The following STK11IP variants were observed in gnomAD, a reference collection of about 807,000 sequenced individuals.
The protein encoded by STK11IP is serine/threonine kinase 11 interacting protein.
A neutral mutation model predicts 131.7 loss-of-function variants in STK11IP; 103 were observed. The observed-to-expected ratio is 0.78, with a 90% CI of 0.67 to 0.92. The LOEUF (loss-of-function observed/expected upper bound fraction) is 0.92. STK11IP is among the 40% of genes least tolerant of loss of function. The pLI is 0.00. For missense variants in STK11IP, 1,315 were observed against 1,385.7 expected, an observed-to-expected ratio of 0.95 and a Z score of 0.81; for synonymous variants, 557 against 575.6, an observed-to-expected ratio of 0.97 and a Z score of 0.46.
chr2:219,611,725 C>A lies in STK11IP; in HGVS notation c.2226C>A (p.Ala742=), dbSNP rs1333479230. Residue 742 remains alanine, a synonymous_variant, in exon 18 of 25, where the codon GCC becomes GCA. Transcript: ENST00000456909. ...AGTCTCTGGCTCCTTCTCCGTCTGC[C>A]AGCCCTGTCTGCCACCCTCCTGGCC... ...GEQSLAPSPS[A]SPVCHPPGHG... 1.9e-6 allele frequency: 3 copies of A among 1,612,958 alleles called. No homozygotes were observed. Among genetic ancestry groups the A allele is most frequent in the Non-Finnish European group, 2.5e-6 (3 of 1,179,878 alleles).
rs750864443 is a variant in STK11IP, at chr2:219,615,118, T to TC, written c.2894_2895insC (p.Leu966ValfsTer12). ...GGCCCTTCCACCTGCCTCGTATCCC[T>TC]GTTGCTGACTCCGTCCACCCTGTTC... On this transcript the variant is annotated frameshift_variant, in exon 24 of 25. Transcript: ENST00000456909. LOFTEE classifies it high-confidence loss of function. 20 of 1,609,644 alleles carry TC rather than the reference T, an allele frequency of 1.2e-5. No individual in the cohort carries two copies. The highest frequency in any genetic ancestry group is 1.7e-5 in the Non-Finnish European group (20 of 1,179,194).
At chr2:219,610,504 G>A (rs572066112) in intron 17 of STK11IP, among the ~76,000 whole-genome samples, 17 of 152,078 alleles carry the variant, frequency 1.1e-4, no homozygotes, top group Non-Finnish European at 2.1e-4. Flanking sequence ...CCGGGTTCAC[G>A]CCATTCTCCT....
chr2:219,601,728 G>A lies in STK11IP; in HGVS notation c.342+13G>A, dbSNP rs369815859. On this transcript the variant is annotated intron_variant, in intron 4 of 24. Coordinates refer to ENST00000456909, the MANE Select transcript of STK11IP (RefSeq NM_052902.4). ...TCGGCACCTGGAGGTATGGGGACACGGGGGGATGTTGGTGCACAGCACCCA... is the reference window on the plus strand; with the variant it reads ...TCGGCACCTGGAGGTATGGGGACACAGGGGGATGTTGGTGCACAGCACCCA... The A allele has an allele frequency of 1.2e-4, 184 of 1,589,786 alleles. 2 individuals are homozygous for A. The highest frequency in any genetic ancestry group is 3.8e-4 in the South Asian group (33 of 87,544).
intron 7 of STK11IP, among the ~76,000 whole-genome samples, chr2:219,604,686 GTGGAA>G (rs1271073643): frequency 6.6e-6 from 1 of 152,198 alleles, no homozygotes; most frequent in East Asian, 1.9e-4. Flanking sequence ...TCTTTAGATG[GTGGAA>G]TGAGGATAGC....
intron 19 of STK11IP, 80 bp from the exon 20 acceptor site, chr2:219,613,048 C>A: frequency 1.7e-6 from 2 of 1,158,364 alleles, no homozygotes; most frequent in Admixed American, 2.0e-5. Flanking sequence ...AGGGTGCTGT[C>A]ACCAGGAACT....
Position 219,613,856 on chromosome 2 carries a change from C to T in STK11IP, c.2642C>T (p.Ala881Val). 1.2e-6 allele frequency: 2 copies of T among 1,612,062 alleles called. No individual in the cohort carries two copies. The highest frequency in any genetic ancestry group is 1.7e-6 in the Non-Finnish European group (2 of 1,179,576). Reference sequence around the variant, plus strand: ...GGCCAGAGCCTGCGGCTAGAGTGGGCAGCTGGGGCGGGCCGCTGTGTGCTG... The same window carrying T: ...GGCCAGAGCCTGCGGCTAGAGTGGGTAGCTGGGGCGGGCCGCTGTGTGCTG... ...LAGQSLRLEW[A>V]AGAGRCVLLP... Residue 881 changes from alanine (A) to valine (V), a missense_variant, in exon 21 of 25, where the codon GCA becomes GTA. Transcript: ENST00000456909.
intron 5 of STK11IP, 121 bp downstream of exon 5, chr2:219,602,204 C>T (rs377219591): frequency 3.7e-4 from 272 of 743,830 alleles, no homozygotes; most frequent in Non-Finnish European, 4.9e-4. Flanking sequence ...ACAGTGTCCT[C>T]ACTCCCTCTC....
intron 13 of STK11IP, among the ~76,000 whole-genome samples, 198 bp downstream of exon 13, chr2:219,607,335 C>T (rs905971792): frequency 1.3e-5 from 2 of 152,028 alleles, no homozygotes; most frequent in Non-Finnish European, 2.9e-5. Context: ...GAAAACTTTT[C>T]GAGGAACATT....
Position 219,612,077 on chromosome 2 carries a change from T to A in STK11IP, c.2439+19T>A, listed in dbSNP as rs1436780409. ...CCTCAAGGTCTGTGCTCCCTGACACTGCCCATGCCCCCAGCTGTCCAGGGT... is the reference window on the plus strand; with the variant it reads ...CCTCAAGGTCTGTGCTCCCTGACACAGCCCATGCCCCCAGCTGTCCAGGGT... On this transcript the variant is annotated intron_variant, in intron 19 of 24. Coordinates refer to ENST00000456909, the MANE Select transcript of STK11IP (RefSeq NM_052902.4). 1 of 1,579,416 alleles carries A rather than the reference T, an allele frequency of 6.3e-7. No individual in the cohort carries two copies. Among genetic ancestry groups the A allele is most frequent in the Non-Finnish European group, 8.6e-7 (1 of 1,161,556 alleles).
chr2:219,599,884 T>C (rs573315758), intron 2 of STK11IP, among the ~76,000 whole-genome samples: 105 of 151,434 alleles, frequency 6.9e-4, no homozygotes, highest in African/African-American at 2.4e-3. Flanking sequence ...ACTACAGGCA[T>C]GCACCACCAT....
chr2:219,613,287 G>T lies in STK11IP; in HGVS notation c.2537+62G>T, dbSNP rs1228107350. On this transcript the variant is annotated intron_variant, in intron 20 of 24. Transcript: ENST00000456909. ...GATGGGGTGAGTTGGGGGGAGATGG[G>T]GGAGTGAGGGGGAAGATGGGGTGAG... 9 of 135,662 alleles carry T rather than the reference G, an allele frequency of 6.6e-5. No individual in the cohort carries two copies. In the East Asian group the frequency reaches 1.9e-3, roughly 28 times the overall value. The allele number at this position is 135,662 out of a possible 1,614,324, so 8.4% of individuals were successfully genotyped here. A position where few individuals can be genotyped will look rare whatever the true frequency, so the allele number is the denominator to read the frequency against.
Position 219,611,676 on chromosome 2 carries a change from A to G in STK11IP, c.2177A>G (p.Asn726Ser), listed in dbSNP as rs367627243. Residue 726 changes from asparagine (N) to serine (S), a missense_variant, in exon 18 of 25, where the codon AAC (asparagine) becomes AGC (serine). Coordinates refer to ENST00000456909, the MANE Select transcript of STK11IP (RefSeq NM_052902.4). ...VLLAVSRGTPNRERKQGEQSL... is the reference protein window; with the variant it reads ...VLLAVSRGTPSRERKQGEQSL... ...CTCGCTGTGTCTCGGGGAACCCCCA[A>G]CAGGGAGCGGAAACAGGGAGAGCAG... 2 of 1,612,984 alleles carry G rather than the reference A, an allele frequency of 1.2e-6. No homozygotes were observed. Among genetic ancestry groups the G allele is most frequent in the Non-Finnish European group, 1.7e-6 (2 of 1,179,884 alleles).
At chr2:219,608,546 C>T in intron 14 of STK11IP, 37 bp from the exon 15 acceptor site, 1 of 1,550,740 alleles carries the variant, frequency 6.4e-7, no homozygotes, top group Non-Finnish European at 8.7e-7. Context: ...TGGGTACTTT[C>T]CCTCCCTGCA....
At chr2:219,609,787 T>G in intron 17 of STK11IP, 1 of 468,674 alleles carries the variant, frequency 2.1e-6, no homozygotes, top group South Asian at 2.2e-5. Flanking sequence ...AAATGCAATC[T>G]CTGTAACTGT....
rs749829000 is a variant in STK11IP, at chr2:219,608,381, G to C, written c.1554G>C (p.Glu518Asp). 83 of 1,579,356 alleles carry C rather than the reference G, an allele frequency of 5.3e-5. No homozygotes were observed. In the Admixed American group the frequency reaches 1.4e-3, roughly 27 times the overall value. ...GGGAGATGGTGGAACAGGGAGAAGA[G>C]GAGGCAGGAGAGGAGGAAGAAGAGG... ...EEGEMVEQGEEEAGEEEEEEQ... is the reference protein window; with the variant it reads ...EEGEMVEQGEDEAGEEEEEEQ... The change falls in exon 14 of 25, where the codon GAG becomes GAC. Residue 518 changes from glutamate (E) to aspartate (D), a missense_variant. Physicochemically the swap from Glu to Asp is conservative, Grantham distance 45. Transcript: ENST00000456909.
chr2:219,609,397 T>C lies in STK11IP; in HGVS notation c.1961T>C (p.Val654Ala). 6.2e-7 allele frequency: 1 copy of C among 1,613,734 alleles called. No homozygotes were observed. The highest frequency in any genetic ancestry group is 8.5e-7 in the Non-Finnish European group (1 of 1,179,868). The change falls in exon 17 of 25, where the codon GTG becomes GCG. Residue 654 changes from valine to alanine, a missense_variant. By Grantham distance (64) the Val-to-Ala change is moderately conservative. Coordinates refer to ENST00000456909, the MANE Select transcript of STK11IP (RefSeq NM_052902.4). Reference sequence around the variant, plus strand: ...GCCGTGTTGACCCCAGTCACCAATGTGGCTCGGGAACAGCTTGGGGAGGCC... The same window carrying C: ...GCCGTGTTGACCCCAGTCACCAATGCGGCTCGGGAACAGCTTGGGGAGGCC... ...LLAVLTPVTN[V>A]AREQLGEARD...
Position 219,615,201 on chromosome 2 carries a change from G to C in STK11IP, c.2977G>C (p.Gly993Arg). 1 of 1,596,666 alleles carries C rather than the reference G, an allele frequency of 6.3e-7. No individual in the cohort carries two copies. Among genetic ancestry groups the C allele is most frequent in the Non-Finnish European group, 8.5e-7 (1 of 1,174,886 alleles). The change falls in exon 24 of 25, where the codon GGC becomes CGC. Residue 993 changes from glycine (G) to arginine (R), a missense_variant. Physicochemically the swap from Gly to Arg is moderately radical, Grantham distance 125. Transcript: ENST00000456909. ...PAEPSPPAAS[G>R]EASEKVPPSG... ...AGAGCCCTCTCCTCCAGCAGCATCT[G>C]GCGAAGCCTCTGAGAAGGTGCCTCC...
intron 7 of STK11IP, among the ~76,000 whole-genome samples, chr2:219,605,095 G>A (rs954018551): frequency 6.6e-6 from 1 of 152,202 alleles, no homozygotes; most frequent in Admixed American, 6.5e-5. Context: ...CTCCCAGAGT[G>A]CTGGGATTAC....
intron 7 of STK11IP, among the ~76,000 whole-genome samples, chr2:219,604,129 T>G (rs1574616471): frequency 6.6e-6 from 1 of 152,178 alleles, no homozygotes; most frequent in East Asian, 1.9e-4. Context: ...GGAAATTCTT[T>G]TGGCAGCCTT....
Sources: allele counts gnomAD v4.1 joint callset (sites outside exome capture counted in the v4.1 genomes callset), GRCh38; gene constraint gnomAD v4.1.1; transcripts MANE v1.5; gene names NCBI Gene and HGNC (gene_info 2026-07-23, HGNC 2026-07-21).